Variants in STXBP3 observed in about 807,000 individuals in gnomAD.
STXBP3 encodes syntaxin-binding protein 3.
Under a neutral mutation model 85.7 loss-of-function variants are expected in STXBP3, and 41 were observed. The observed-to-expected ratio is 0.48, with a 90% CI of 0.37 to 0.62. The LOEUF is 0.62. Among genes scored for constraint, STXBP3 ranks in the 20% least tolerant of loss-of-function variants. STXBP3 has a pLI of 0.00. For missense variants in STXBP3, 563 were observed against 703.1 expected, an observed-to-expected ratio of 0.80 and a Z score of 2.25; for synonymous variants, 229 against 231.7, an observed-to-expected ratio of 0.99 and a Z score of 0.10.
intron 6 of STXBP3, among the ~76,000 whole-genome samples, chr1:108,763,490 A>C (rs1288349315): frequency 2.0e-5 from 3 of 152,212 alleles, no homozygotes; most frequent in African/African-American, 7.2e-5. Flanking sequence ...ATTTCCAAAA[A>C]TACGAAAAAC....
At chr1:108,808,180 A>G (rs940395643) in intron 18 of STXBP3, among the ~76,000 whole-genome samples, 1 of 152,196 alleles carries the variant, frequency 6.6e-6, no homozygotes, top group Non-Finnish European at 1.5e-5. Flanking sequence ...TTTTGTGGAT[A>G]TGGACATGAC....
Position 108,809,127 on chromosome 1 carries a change from T to C in STXBP3, c.*250T>C, listed in dbSNP as rs1663403003. 5.7e-6 allele frequency: 2 copies of C among 349,654 alleles called. No individual in the cohort carries two copies. Among genetic ancestry groups the C allele is most frequent in the Non-Finnish European group, 1.0e-5 (2 of 194,060 alleles). 21.7% of individuals were successfully genotyped at this position (349,654 alleles called of 1,614,324 possible). On this transcript the variant is annotated 3_prime_UTR_variant, in exon 19 of 19. Coordinates refer to ENST00000370008, the MANE Select transcript of STXBP3 (RefSeq NM_007269.4). The stretch of plus-strand genomic sequence containing the variant: ...TTCTAAAAGGAAATTTTTTCACCTT[T>C]GGAGGAGAATATATTAGAGTTGTGG...
chr1:108,761,973 CA>C lies in STXBP3; in HGVS notation c.438+1898del, dbSNP rs796970810. On this transcript the variant is annotated intron_variant, in intron 6 of 18. Transcript: ENST00000370008. Reference sequence around the variant, plus strand: ...GGGCAACAGAGCGAGACTCCATCTCCAAAAAAAAAAGAGGTTCTACTTAATA... The same window carrying C: ...GGGCAACAGAGCGAGACTCCATCTCCAAAAAAAAAGAGGTTCTACTTAATA... Among the ~76,000 whole-genome samples, 618 of 146,624 alleles carry C rather than the reference CA, an allele frequency of 4.2e-3. 1 individual carries two copies. The highest frequency in any genetic ancestry group is 8.8e-3 in the Admixed American group (129 of 14,712).
At chr1:108,807,313 T>G in intron 17 of STXBP3, 88 bp from the exon 18 acceptor site, 2 of 1,343,208 alleles carry the variant, frequency 1.5e-6, no homozygotes, top group Non-Finnish European at 2.0e-6. Flanking sequence ...TTGAGTTTGG[T>G]TGAGTTAGGC....
chr1:108,786,350 T>G (rs1421280555), intron 11 of STXBP3, among the ~76,000 whole-genome samples: 1 of 152,154 alleles, frequency 6.6e-6, no homozygotes, highest in Non-Finnish European at 1.5e-5. Flanking sequence ...CCCCCATTAT[T>G]CAGTTATCTC....
At position 108,794,582 on chromosome 1, in the gene STXBP3, C is replaced by G. The variant is rs561969132; in HGVS notation, c.1030-245C>G. Among the ~76,000 whole-genome samples, 3 of 152,274 alleles carry G rather than the reference C, an allele frequency of 2.0e-5. No individual in the cohort carries two copies. In the East Asian group the frequency reaches 5.8e-4, roughly 29 times the overall value. ...TGTTCCAAACACTTCCCATCAGGTC[C>G]CTCCCACAACACATGGGGATTATGG... On this transcript the variant is annotated intron_variant, in intron 12 of 18. Transcript: ENST00000370008.
At chr1:108,787,087 A>G (rs1170356760) in intron 11 of STXBP3, among the ~76,000 whole-genome samples, 3 of 151,984 alleles carry the variant, frequency 2.0e-5, no homozygotes, top group Admixed American at 6.6e-5. Flanking sequence ...TTGTATATTT[A>G]CCTTGGATCT....
intron 11 of STXBP3, among the ~76,000 whole-genome samples, chr1:108,783,161 T>C (rs1027268656): frequency 2.0e-5 from 3 of 152,258 alleles, no homozygotes; most frequent in African/African-American, 7.2e-5. Context: ...ATTACAGGTG[T>C]GAGCCACTGT....
intron 18 of STXBP3, among the ~76,000 whole-genome samples, chr1:108,808,357 A>T (rs1663386496): frequency 1.3e-5 from 2 of 152,302 alleles, no homozygotes; most frequent in South Asian, 4.1e-4. Context: ...ACAAAAAATT[A>T]AAAAATAAGA....
At chr1:108,765,591 T>TTTTTTTC (rs796642937) in intron 6 of STXBP3, among the ~76,000 whole-genome samples, 5,641 of 122,592 alleles carry the variant, frequency 0.046, 496 homozygotes, top group Non-Finnish European at 0.062. Context: ...TTTTTTTTTT[T>TTTTTTTC]TGAGACGGAG....
At position 108,782,146 on chromosome 1, in the gene STXBP3, A is replaced by AC. The variant is rs550831266; in HGVS notation, c.810-276_810-275insC. 206 of 310,730 alleles carry AC rather than the reference A, an allele frequency of 6.6e-4. 1 individual carries two copies. Among genetic ancestry groups the AC allele is most frequent in the Non-Finnish European group, 1.0e-3 (170 of 169,440 alleles). The allele number at this position is 310,730 out of a possible 1,614,324, so 19.2% of individuals were successfully genotyped here. ...CTTAAAGTTAACTGTAGGACGTTGA[A>AC]TTTTTTTTATAAAGTACAATTTTGC... is the stretch of plus-strand genomic sequence containing the variant. On this transcript the variant is annotated intron_variant, in intron 9 of 18. Coordinates refer to ENST00000370008, the MANE Select transcript of STXBP3 (RefSeq NM_007269.4).
intron 6 of STXBP3, chr1:108,766,764 A>G (rs778370149): frequency 5.0e-6 from 1 of 201,942 alleles, no homozygotes; most frequent in Non-Finnish European, 1.0e-5. Context: ...CATAGTAAGC[A>G]GAAAGCCTTA....
intron 17 of STXBP3, among the ~76,000 whole-genome samples, chr1:108,804,254 T>G (rs1463126146): frequency 2.0e-5 from 3 of 152,128 alleles, no homozygotes; most frequent in Non-Finnish European, 4.4e-5. Context: ...TCAGATTTAG[T>G]TTTCAGTTCT....
chr1:108,777,304 G>C (rs910395668), intron 8 of STXBP3, among the ~76,000 whole-genome samples: 1 of 152,070 alleles, frequency 6.6e-6, no homozygotes. Context: ...GGCATCCCAA[G>C]AAGAAGAGGC....
intron 6 of STXBP3, among the ~76,000 whole-genome samples, chr1:108,764,078 CT>C (rs1662206139): frequency 6.6e-6 from 1 of 152,104 alleles, no homozygotes; most frequent in Non-Finnish European, 1.5e-5. Context: ...TTGTTCCTCT[CT>C]TTGTGACCGT....
intron 17 of STXBP3, among the ~76,000 whole-genome samples, chr1:108,807,189 C>G (rs1050609405): frequency 6.9e-6 from 1 of 144,836 alleles, no homozygotes; most frequent in Non-Finnish European, 1.5e-5. Flanking sequence ...ACCCAGGAGG[C>G]GGAGGTTGCA....
intron 12 of STXBP3, among the ~76,000 whole-genome samples, chr1:108,794,339 G>A (rs1030099155): frequency 3.9e-5 from 6 of 152,158 alleles, no homozygotes; most frequent in African/African-American, 1.2e-4. Context: ...AAAGGAAAGC[G>A]GTCTAATTGA....
At chr1:108,751,190 G>C (rs1661895424) in intron 1 of STXBP3, among the ~76,000 whole-genome samples, 1 of 152,120 alleles carries the variant, frequency 6.6e-6, no homozygotes, top group South Asian at 2.1e-4. Context: ...GGCTTGGTCT[G>C]GTGACCAGCC....
At chr1:108,799,658 A>G (rs1016131103) in intron 16 of STXBP3, among the ~76,000 whole-genome samples, 3 of 152,322 alleles carry the variant, frequency 2.0e-5, no homozygotes, top group South Asian at 2.1e-4. Context: ...ACACCTAACC[A>G]TAAAAAAAAT....
Sources: gnomAD v4.1 joint callset for allele counts (sites outside exome capture counted in the v4.1 genomes callset) on GRCh38, gnomAD v4.1.1 for gene constraint, MANE v1.5 for transcripts, NCBI Gene and HGNC (gene_info 2026-07-23, HGNC 2026-07-21) for gene names.